The following DYNC1I1 variants were observed in gnomAD, a reference collection of about 807,000 sequenced individuals.
DYNC1I1 encodes the protein dynein cytoplasmic 1 intermediate chain 1.
Under a neutral mutation model 86.6 loss-of-function variants are expected in DYNC1I1, and 43 were observed. The observed-to-expected ratio is 0.50, with a 90% CI of 0.39 to 0.64. DYNC1I1 has a LOEUF of 0.64. DYNC1I1 is among the 30% of genes least tolerant of loss of function. The probability of loss-of-function intolerance (pLI) is 0.00; values close to 1 mark genes in which losing one functional copy is unlikely to be tolerated. For synonymous variants in DYNC1I1, 262 were observed against 283.7 expected, an observed-to-expected ratio of 0.92 and a Z score of 0.77; for missense variants, 604 against 788.8, an observed-to-expected ratio of 0.77 and a Z score of 2.81.
intron 1 of DYNC1I1, among the ~76,000 whole-genome samples, chr7:95,797,172 G>A (rs938081282): frequency 7.2e-5 from 11 of 152,182 alleles, no homozygotes; most frequent in Non-Finnish European, 1.2e-4. Context: ...TTGTCTTGAG[G>A]AAAAACATTT....
At chr7:96,069,433 C>G (rs1015362153) in intron 14 of DYNC1I1, among the ~76,000 whole-genome samples, 1 of 152,176 alleles carries the variant, frequency 6.6e-6, no homozygotes, top group East Asian at 1.9e-4. Context: ...CTGCCCTCCT[C>G]GACTCAAATA....
chr7:95,825,182 TCCCCAGTA>T (rs1795178120), intron 4 of DYNC1I1, among the ~76,000 whole-genome samples: 4 of 152,176 alleles, frequency 2.6e-5, no homozygotes, highest in Non-Finnish European at 5.9e-5. Context: ...AAATGCAAAC[TCCCCAGTA>T]CTAATCTGTG....
chr7:96,098,857 T>C (rs1179338884), downstream of DYNC1I1, among the ~76,000 whole-genome samples: 1 of 152,144 alleles, frequency 6.6e-6, no homozygotes, highest in East Asian at 1.9e-4. Flanking sequence ...CAAATAGCGG[T>C]TGAGTCATGA....
intron 6 of DYNC1I1, among the ~76,000 whole-genome samples, chr7:95,898,418 G>A (rs1790945409): frequency 6.6e-6 from 1 of 152,110 alleles, no homozygotes; most frequent in Non-Finnish European, 1.5e-5. Flanking sequence ...TAATTTTTAA[G>A]CCCATTTCTC....
At chr7:96,036,602 G>A (rs1046010576) in intron 13 of DYNC1I1, among the ~76,000 whole-genome samples, 2 of 151,970 alleles carry the variant, frequency 1.3e-5, no homozygotes, top group Admixed American at 6.6e-5. Context: ...TTGATTTCCT[G>A]CACAGTACCT....
At chr7:96,057,436 TA>T (rs960121843) in intron 14 of DYNC1I1, among the ~76,000 whole-genome samples, 7 of 152,210 alleles carry the variant, frequency 4.6e-5, no homozygotes, top group African/African-American at 1.7e-4. Flanking sequence ...TTGGGTCAGT[TA>T]GAATTTGGTC....
chr7:96,009,010 A>G (rs990913974), intron 10 of DYNC1I1, among the ~76,000 whole-genome samples: 2 of 152,158 alleles, frequency 1.3e-5, no homozygotes, highest in African/African-American at 4.8e-5. Flanking sequence ...TTGCTTCATA[A>G]CATCAAATTT....
chr7:96,066,715 G>A (rs184613899), intron 14 of DYNC1I1, among the ~76,000 whole-genome samples: 2 of 152,282 alleles, frequency 1.3e-5, no homozygotes, highest in African/African-American at 4.8e-5. Context: ...GAACTCTGTT[G>A]TGTGTTTGTT....
intron 6 of DYNC1I1, among the ~76,000 whole-genome samples, chr7:95,924,884 A>G (rs1791702166): frequency 6.6e-6 from 1 of 152,136 alleles, no homozygotes; most frequent in African/African-American, 2.4e-5. Flanking sequence ...TCTCTCCTAG[A>G]GTCTCTTAGG....
chr7:95,966,613 A>G (rs143496821), intron 6 of DYNC1I1, among the ~76,000 whole-genome samples: 214 of 152,314 alleles, frequency 1.4e-3, no homozygotes, highest in African/African-American at 4.9e-3. Context: ...CGTGTAGCTC[A>G]TTCACCTTAG....
At chr7:96,012,322 G>C (rs969019062) in intron 10 of DYNC1I1, among the ~76,000 whole-genome samples, 3 of 152,154 alleles carry the variant, frequency 2.0e-5, no homozygotes, top group Admixed American at 1.3e-4. Flanking sequence ...TGCTCTGTGC[G>C]TCTCTGCTTC....
chr7:95,846,902 T>G (rs1219012796), intron 5 of DYNC1I1, among the ~76,000 whole-genome samples: 2 of 152,230 alleles, frequency 1.3e-5, no homozygotes, highest in Admixed American at 6.5e-5. Context: ...TCTCTTTTTC[T>G]ATAGATCCAA....
chr7:95,838,996 T>C (rs1789198012), intron 5 of DYNC1I1, among the ~76,000 whole-genome samples: 1 of 152,144 alleles, frequency 6.6e-6, no homozygotes, highest in Non-Finnish European at 1.5e-5. Flanking sequence ...AGACTTCCAG[T>C]ATTAGGTTGA....
At chr7:95,980,438 C>T (rs193236480) in intron 7 of DYNC1I1, among the ~76,000 whole-genome samples, 3 of 149,922 alleles carry the variant, frequency 2.0e-5, no homozygotes, top group Non-Finnish European at 4.4e-5. Flanking sequence ...ACGAACCTTG[C>T]GTTTCAAGGA....
chr7:96,014,417 C>T lies in DYNC1I1; in HGVS notation c.970-13758C>T, dbSNP rs150680221. 3.7e-3 allele frequency among the ~76,000 whole-genome samples: 564 copies of T among 152,298 alleles called. 15 individuals are homozygous for T. Among genetic ancestry groups the T allele is most frequent in the Admixed American group, 0.03 (466 of 15,294 alleles). The stretch of plus-strand genomic sequence containing the variant: ...TCTGAAATAGGAACCCAGTGCCTTT[C>T]ACTAACCTACTTCCCAGCACACCGT... On this transcript the variant is annotated intron_variant, in intron 10 of 16. Transcript: ENST00000447467.
intron 15 of DYNC1I1, among the ~76,000 whole-genome samples, chr7:96,077,985 A>G (rs1790393895): frequency 6.6e-6 from 1 of 152,214 alleles, no homozygotes; most frequent in Admixed American, 6.5e-5. Flanking sequence ...TGCTTTAACA[A>G]TAATAGTAGA....
At chr7:96,076,370 G>T (rs2116248098) in intron 15 of DYNC1I1, among the ~76,000 whole-genome samples, 173 bp downstream of exon 15, 1 of 152,310 alleles carries the variant, frequency 6.6e-6, no homozygotes, top group East Asian at 1.9e-4. Flanking sequence ...AGATGCATTG[G>T]CCAAAAATCA....
intron 10 of DYNC1I1, among the ~76,000 whole-genome samples, chr7:96,006,292 G>A (rs138167293): frequency 2.2e-4 from 34 of 152,226 alleles, no homozygotes; most frequent in African/African-American, 5.5e-4. Flanking sequence ...GAATCCAGGC[G>A]CTTCATCACA....
intron 6 of DYNC1I1, among the ~76,000 whole-genome samples, chr7:95,976,154 C>T (rs1284005212): frequency 6.6e-6 from 1 of 152,144 alleles, no homozygotes; most frequent in African/African-American, 2.4e-5. Flanking sequence ...TAATAAATGT[C>T]AGTTCTTTAA....
Sources: allele counts gnomAD v4.1 joint callset (sites outside exome capture counted in the v4.1 genomes callset), GRCh38; gene constraint gnomAD v4.1.1; transcripts MANE v1.5; gene names NCBI Gene and HGNC (gene_info 2026-07-23, HGNC 2026-07-21).